The following RFX2 variants were observed in gnomAD, a reference collection of about 807,000 sequenced individuals.
RFX2 encodes DNA-binding protein RFX2.
A neutral mutation model predicts 87.8 loss-of-function variants in RFX2; 20 were observed. The observed-to-expected ratio is 0.23, with a 90% confidence interval of 0.16 to 0.33. The LOEUF (loss-of-function observed/expected upper bound fraction) is 0.33. Ranked by LOEUF, RFX2 falls within the 10% of genes least tolerant of loss-of-function variation. The pLI, the probability that RFX2 is intolerant of heterozygous loss-of-function variation, is 1.00. For synonymous variants in RFX2, 397 were observed against 431.3 expected (o/e 0.92, Z 0.98); for missense variants, 767 against 1,012.3 (o/e 0.76, Z 3.29).
chr19:6,060,576 A>G (rs969314162), intron 1 of RFX2, among the ~76,000 whole-genome samples: 1 of 152,124 alleles, frequency 6.6e-6, no homozygotes, highest in African/African-American at 2.4e-5. Flanking sequence ...TTGTAAGTCC[A>G]GACTCTCAGG....
At position 6,007,960 on chromosome 19, in the gene RFX2, G is replaced by A; in HGVS notation, c.1134+146C>T. On this transcript the variant is annotated intron_variant, in intron 10 of 17. Coordinates refer to ENST00000303657, the MANE Select transcript of RFX2 (RefSeq NM_000635.4). The surrounding 1 kb of genome is among the most constrained non-coding windows in gnomAD (Gnocchi z 8.2). The stretch of plus-strand genomic sequence containing the variant: ...AGAGGAGCAGGCGATGGACATGGAT[G>A]CGGAGGGGCTGCTGCTTCAGAGAGG... 1.3e-6 allele frequency: 1 copy of A among 786,018 alleles called. No individual in the cohort carries two copies. Among genetic ancestry groups the A allele is most frequent in the South Asian group, 1.5e-5 (1 of 66,012 alleles). 48.7% of individuals were successfully genotyped at this position (786,018 alleles called of 1,614,324 possible).
At chr19:6,018,240 G>T (rs2086757609) in intron 6 of RFX2, among the ~76,000 whole-genome samples, 1 of 152,182 alleles carries the variant, frequency 6.6e-6, no homozygotes, top group African/African-American at 2.4e-5. Context: ...AAAGTGCTGG[G>T]ATTACAGGCG....
At chr19:6,099,308 G>A (rs777328895) in intron 1 of RFX2, among the ~76,000 whole-genome samples, 3 of 152,034 alleles carry the variant, frequency 2.0e-5, no homozygotes, top group Admixed American at 6.6e-5. Flanking sequence ...ACCCCTCCCC[G>A]CTCCCCGAAC....
At chr19:6,092,304 G>A (rs1163169191) in intron 1 of RFX2, among the ~76,000 whole-genome samples, 1 of 152,144 alleles carries the variant, frequency 6.6e-6, no homozygotes, top group African/African-American at 2.4e-5. Flanking sequence ...GAGAGAGCAG[G>A]GGCTCAAGTC....
chr19:6,002,615 G>A lies in RFX2; in HGVS notation c.1650+106C>T. 7.1e-7 allele frequency: 1 copy of A among 1,410,258 alleles called. No individual in the cohort carries two copies. Among genetic ancestry groups the A allele is most frequent in the Non-Finnish European group, 9.8e-7 (1 of 1,019,816 alleles). 87.4% of individuals were successfully genotyped at this position (1,410,258 alleles called of 1,614,324 possible). A position where few individuals can be genotyped will look rare whatever the true frequency, so the allele number is the denominator to read the frequency against. On this transcript the variant is annotated intron_variant, in intron 14 of 17. Transcript: ENST00000303657. The surrounding 1 kb of genome is among the most constrained non-coding windows in gnomAD (Gnocchi z 6.7). ...TGTCATGCAACAGAACCGTGGCCAG[G>A]CTCGGGGCAGGGGCCAGGTTGTGCC...
At chr19:6,037,576 A>G (rs2087042167) in intron 5 of RFX2, among the ~76,000 whole-genome samples, 1 of 152,216 alleles carries the variant, frequency 6.6e-6, no homozygotes. Flanking sequence ...AAGCCTTAAC[A>G]TAGTAAAGAT....
rs73541908 is a variant in RFX2 at position 6,039,656 on chromosome 19, G to A, written c.522+324C>T. Among the ~76,000 whole-genome samples the A allele has an allele frequency of 1.3e-5, 2 of 152,286 alleles. No individual in the cohort carries two copies. The highest frequency in any genetic ancestry group is 2.9e-5 in the Non-Finnish European group (2 of 68,014). On this transcript the variant is annotated intron_variant, in intron 5 of 17. Coordinates refer to ENST00000303657, the MANE Select transcript of RFX2 (RefSeq NM_000635.4). The surrounding 1 kb of genome is among the most constrained non-coding windows in gnomAD (Gnocchi z 5.2). Reference sequence around the variant, plus strand: ...CCTCTAAAAGCTTGATAGTAACAACGATAACAATAATAAGAGCAAAGGAGG... The same window carrying A: ...CCTCTAAAAGCTTGATAGTAACAACAATAACAATAATAAGAGCAAAGGAGG...
chr19:6,059,738 A>AAC (rs145515071), intron 1 of RFX2, among the ~76,000 whole-genome samples: 1 of 151,940 alleles, frequency 6.6e-6, no homozygotes, highest in African/African-American at 2.4e-5. Context: ...CATATACACA[A>AAC]ACACACACAC....
At position 5,995,637 on chromosome 19, in the gene RFX2, C is replaced by G; in HGVS notation, c.2020G>C (p.Asp674His). The G allele has an allele frequency of 6.4e-7, 1 of 1,552,476 alleles. No individual in the cohort carries two copies. Among genetic ancestry groups the G allele is most frequent in the Non-Finnish European group, 8.7e-7 (1 of 1,147,518 alleles). Residue 674 changes from aspartate to histidine, a missense_variant, in exon 17 of 18, where the codon GAT becomes CAT. Around this residue, in one of 2 missense-constraint regions of RFX2, gnomAD observed 621 missense variants for 873.0 expected, o/e 0.71. Coordinates refer to ENST00000303657, the MANE Select transcript of RFX2 (RefSeq NM_000635.4). ...AGCGTCAGCGACAGAGAGGCGAGAT[C>G]GTTGAACTGAAAGAGAAACCTGGAG... ...TPIAVMGEFN[D>H]LASLSLTLLD...
At chr19:6,057,992 C>T (rs987183522) in intron 1 of RFX2, among the ~76,000 whole-genome samples, 2 of 152,194 alleles carry the variant, frequency 1.3e-5, no homozygotes, top group African/African-American at 2.4e-5. Context: ...CATCTCCTTG[C>T]CGAAAAGTGG....
chr19:6,042,137 T>C lies in RFX2; in HGVS notation c.181-14A>G, dbSNP rs749118424. ...CACCGGCTGCACCTGAAACATCGGA[T>C]ACGCTGCGTTACCGCCAGTCACGCC... On this transcript the variant is annotated splice_polypyrimidine_tract_variant and intron_variant, in intron 3 of 17. Coordinates refer to ENST00000303657, the MANE Select transcript of RFX2 (RefSeq NM_000635.4). 1.9e-6 allele frequency: 3 copies of C among 1,611,672 alleles called. No individual in the cohort carries two copies. The South Asian group carries it at 3.3e-5, about 18-fold the overall frequency.
chr19:6,105,615 G>A (rs1190812700), intron 1 of RFX2, among the ~76,000 whole-genome samples: 2 of 152,168 alleles, frequency 1.3e-5, no homozygotes, highest in Non-Finnish European at 2.9e-5. Context: ...CCGTCTGGCT[G>A]CTGGGCTGAG....
rs2086461265 is a variant in RFX2 at position 5,999,338 on chromosome 19, C to T, written c.1860-2125G>A. Among the ~76,000 whole-genome samples the T allele has an allele frequency of 6.6e-6, 1 of 152,122 alleles. No homozygotes were observed. The highest frequency in any genetic ancestry group is 1.5e-5 in the Non-Finnish European group (1 of 68,038). The stretch of plus-strand genomic sequence containing the variant: ...GCACCCCCACCTTGCAGACGTGACC[C>T]CGATCCCCTCCAGCTCTGAGCTGTG... On this transcript the variant is annotated intron_variant, in intron 15 of 17. Transcript: ENST00000303657. The surrounding 1 kb of genome is among the most constrained non-coding windows in gnomAD (Gnocchi z 4.1).
intron 1 of RFX2, among the ~76,000 whole-genome samples, chr19:6,048,923 C>T (rs1266037891): frequency 6.6e-6 from 1 of 151,292 alleles, no homozygotes; most frequent in South Asian, 2.1e-4. Context: ...CCCAGAGCCC[C>T]ACGGCCAGTG....
intron 1 of RFX2, among the ~76,000 whole-genome samples, chr19:6,066,033 C>T (rs2087505255): frequency 6.6e-6 from 1 of 152,078 alleles, no homozygotes; most frequent in African/African-American, 2.4e-5. Flanking sequence ...ATGTGTCACC[C>T]GCTCTGAATG....
Position 6,024,981 on chromosome 19 carries a change from A to T in RFX2, c.597+1182T>A, listed in dbSNP as rs2086868151. Among the ~76,000 whole-genome samples, 1 of 151,798 alleles carries T rather than the reference A, an allele frequency of 6.6e-6. No individual in the cohort carries two copies. Among genetic ancestry groups the T allele is most frequent in the South Asian group, 2.1e-4 (1 of 4,814 alleles). On this transcript the variant is annotated intron_variant, in intron 6 of 17. Transcript: ENST00000303657. This position sits in a 1 kb window ranked among gnomAD's most constrained non-coding sequence, Gnocchi z 5.0. ...CGGGAGTCAGGACGGGATCACGGTG[A>T]TGACTGGGGTCCACTGAAGGGGACT... is the stretch of plus-strand genomic sequence containing the variant.
intron 1 of RFX2, chr19:6,073,461 GA>G: frequency 1.1e-6 from 1 of 903,690 alleles, no homozygotes. Context: ...AACCATCGTG[GA>G]AAGGGCCGCC....
intron 1 of RFX2, among the ~76,000 whole-genome samples, chr19:6,096,676 G>A (rs1445567803): frequency 6.6e-6 from 1 of 152,204 alleles, no homozygotes; most frequent in Non-Finnish European, 1.5e-5. Context: ...TCGATCTCCT[G>A]ACCTCGTGAT....
At chr19:6,098,965 C>CA (rs34110529) in intron 1 of RFX2, among the ~76,000 whole-genome samples, 7,651 of 52,626 alleles carry the variant, frequency 0.15, 1,849 homozygotes, top group Non-Finnish European at 0.23. Flanking sequence ...GCTTGAACCA[C>CA]AAAAAAAAAA....
Sources: gnomAD v4.1 joint callset for allele counts (sites outside exome capture counted in the v4.1 genomes callset) on GRCh38, gnomAD v4.1.1 for gene constraint, gnomAD v4.1.1 regional missense constraint, Gnocchi (gnomAD v3.1) non-coding constraint, MANE v1.5 for transcripts, NCBI Gene and HGNC (gene_info 2026-07-23, HGNC 2026-07-21) for gene names.